Variants in CDH23 observed in about 807,000 individuals in gnomAD.
CDH23 encodes the protein cadherin-23.
Under a neutral mutation model 317.1 loss-of-function variants are expected in CDH23, and 189 were observed. The ratio of observed to expected loss-of-function variants is 0.60; its 90% CI spans 0.53 to 0.67. The LOEUF (loss-of-function observed/expected upper bound fraction) is 0.67. Ranked by LOEUF, CDH23 falls within the 30% of genes least tolerant of loss-of-function variation. The pLI is 0.00. For synonymous variants in CDH23, 1,839 were observed against 1,876.8 expected, an observed-to-expected ratio of 0.98 and a Z score of 0.52; for missense variants, 4,401 against 4,592.4, an observed-to-expected ratio of 0.96 and a Z score of 1.20.
chr10:71,686,419 C>T (rs927343093), intron 18 of CDH23, among the ~76,000 whole-genome samples: 4 of 152,010 alleles, frequency 2.6e-5, no homozygotes, highest in Non-Finnish European at 5.9e-5. Context: ...CCATCCAGAG[C>T]CAAGGGGCAG....
Position 71,751,582 on chromosome 10 carries a change from A to T in CDH23, c.4845+9661A>T. On this transcript the variant is annotated intron_variant, in intron 38 of 69. Transcript: ENST00000224721. The surrounding 1 kb of genome is among the most constrained non-coding windows in gnomAD (Gnocchi z 4.9). ...CGTGAGGCCGTGGAACTCTTCAGGG[A>T]GGGCAGGGAGTGAGGCCGATGCCCT... The T allele has an allele frequency of 7.0e-7, 1 of 1,435,956 alleles. No individual in the cohort carries two copies. Among genetic ancestry groups the T allele is most frequent in the South Asian group, 1.4e-5 (1 of 70,114 alleles). 89.0% of individuals were successfully genotyped at this position (1,435,956 alleles called of 1,614,324 possible).
chr10:71,455,248 T>C (rs1372639963), intron 3 of CDH23, among the ~76,000 whole-genome samples: 1 of 152,196 alleles, frequency 6.6e-6, no homozygotes, highest in Non-Finnish European at 1.5e-5. Flanking sequence ...CCCCATAATG[T>C]TCACATCTTG....
intron 6 of CDH23, among the ~76,000 whole-genome samples, chr10:71,536,940 G>T (rs1443532795): frequency 6.6e-6 from 1 of 152,174 alleles, no homozygotes; most frequent in Non-Finnish European, 1.5e-5. Context: ...CTTGAGGACA[G>T]TCTGGCCTAT....
chr10:71,416,006 TATGTAC>T (rs1330264911), intron 1 of CDH23, among the ~76,000 whole-genome samples: 2 of 152,358 alleles, frequency 1.3e-5, no homozygotes, highest in South Asian at 2.1e-4. Context: ...TGAGGTTAAA[TATGTAC>T]ATCTTATCAT....
chr10:71,462,584 G>A (rs1199900135), intron 3 of CDH23, among the ~76,000 whole-genome samples: 1 of 152,254 alleles, frequency 6.6e-6, no homozygotes, highest in Non-Finnish European at 1.5e-5. Context: ...CCTAACGCAT[G>A]CAGAGACCTG....
At chr10:71,742,053 C>A (rs1246431876) in intron 38 of CDH23, 132 bp downstream of exon 38, 3 of 777,418 alleles carry the variant, frequency 3.9e-6, no homozygotes, top group Non-Finnish European at 6.1e-6. Context: ...TTTAGTCCAT[C>A]TGCCTTTAGT....
Position 71,738,559 on chromosome 10 carries a change from C to T in CDH23, c.4271C>T (p.Ser1424Leu), listed in dbSNP as rs879399870. 10 of 1,613,862 alleles carry T rather than the reference C, an allele frequency of 6.2e-6. No individual in the cohort carries two copies. The highest frequency in any genetic ancestry group is 1.7e-5 in the Admixed American group (1 of 60,014). Residue 1424 changes from serine (S) to leucine (L), a missense_variant, in exon 35 of 70, where the codon TCG (serine) becomes TTG (leucine). Physicochemically the swap from Ser to Leu is moderately radical, Grantham distance 145. Around this residue, in one of 3 missense-constraint regions of CDH23, gnomAD observed 3,068 missense variants for 3,203.3 expected, o/e 0.96. Coordinates refer to ENST00000224721, the MANE Select transcript of CDH23 (RefSeq NM_022124.6). ...CCCCGGTTTGACTTCACCTCCGACT[C>T]GGCGGTCAGCATACCCGAGGACTGC... Reference protein sequence around the residue: ...NSPRFDFTSDSAVSIPEDCPV... With the variant: ...NSPRFDFTSDLAVSIPEDCPV...
At chr10:71,484,408 C>G (rs1488239296) in intron 3 of CDH23, among the ~76,000 whole-genome samples, 1 of 152,186 alleles carries the variant, frequency 6.6e-6, no homozygotes, top group Non-Finnish European at 1.5e-5. Context: ...AGGTGTTCCT[C>G]CAACCCAGAG....
At chr10:71,581,028 T>C (rs1858592873) in intron 9 of CDH23, among the ~76,000 whole-genome samples, 1 of 152,336 alleles carries the variant, frequency 6.6e-6, no homozygotes, top group South Asian at 2.1e-4. Flanking sequence ...TAGACGTGGC[T>C]GAAAAGAACA....
intron 9 of CDH23, among the ~76,000 whole-genome samples, chr10:71,609,951 C>CGTGTGT (rs34311857): frequency 0.031 from 4,403 of 142,788 alleles, 68 homozygotes; most frequent in Non-Finnish European, 0.035. Context: ...AGGACTCCCC[C>CGTGTGT]GTGTGTGTGT....
intron 19 of CDH23, among the ~76,000 whole-genome samples, chr10:71,688,399 G>A (rs567793661): frequency 6.6e-6 from 1 of 152,258 alleles, no homozygotes; most frequent in Non-Finnish European, 1.5e-5. Context: ...ATGGATAGTG[G>A]AGTCAGGGAC....
chr10:71,486,568 C>T (rs1259039570), intron 3 of CDH23, among the ~76,000 whole-genome samples: 3 of 152,030 alleles, frequency 2.0e-5, no homozygotes, highest in Non-Finnish European at 4.4e-5. Context: ...AGGGTTTCCC[C>T]AAATATCATC....
chr10:71,493,639 T>C (rs1234860793), intron 3 of CDH23, among the ~76,000 whole-genome samples: 1 of 152,220 alleles, frequency 6.6e-6, no homozygotes, highest in Non-Finnish European at 1.5e-5. Flanking sequence ...CTTTACCACC[T>C]TGTGGAGCTT....
At chr10:71,613,174 A>C (rs1162927024) in intron 9 of CDH23, among the ~76,000 whole-genome samples, 1 of 152,212 alleles carries the variant, frequency 6.6e-6, no homozygotes. Context: ...GAAGCACAAT[A>C]ACTGTTTGTT....
intron 12 of CDH23, among the ~76,000 whole-genome samples, 188 bp downstream of exon 12, chr10:71,644,054 C>T (rs1862707010): frequency 6.6e-6 from 1 of 152,266 alleles, no homozygotes; most frequent in Admixed American, 6.5e-5. Flanking sequence ...AACTGTCACA[C>T]CCCACTGGCT....
At chr10:71,810,688 G>A in intron 62 of CDH23, 119 bp downstream of exon 62, 1 of 897,616 alleles carries the variant, frequency 1.1e-6, no homozygotes, top group East Asian at 2.6e-5. Context: ...CCACTGTGTG[G>A]GGCCATCTCC....
intron 3 of CDH23, among the ~76,000 whole-genome samples, chr10:71,505,651 T>G (rs1229824044): frequency 6.6e-6 from 1 of 152,078 alleles, no homozygotes; most frequent in Non-Finnish European, 1.5e-5. Flanking sequence ...GAGGGCAGGG[T>G]ACCAATAGCG....
In CDH23 at chr10:71,705,101, A is replaced by G. The variant is rs766346313; in HGVS notation, c.2924A>G (p.Lys975Arg). 3 of 1,611,630 alleles carry G rather than the reference A, an allele frequency of 1.9e-6. No homozygotes were observed. Among genetic ancestry groups the G allele is most frequent in the South Asian group, 2.2e-5 (2 of 91,010 alleles). ...VVASDAGTPTKSSTSTLTIHV... is the reference protein window; with the variant it reads ...VVASDAGTPTRSSTSTLTIHV... ...GCCAGTGATGCAGGCACGCCCACCA[A>G]GAGCTCCACCAGCACGCTCACCATC... The change falls in exon 25 of 70, where the codon AAG becomes AGG. Residue 975 changes from lysine (K) to arginine (R), a missense_variant. By Grantham distance (26) the Lys-to-Arg change is conservative. Coordinates refer to ENST00000224721, the MANE Select transcript of CDH23 (RefSeq NM_022124.6).
rs183097386 is a variant in CDH23 at position 71,483,082 on chromosome 10, G to A, written c.146-27000G>A. Among the ~76,000 whole-genome samples, 248 of 152,336 alleles carry A rather than the reference G, an allele frequency of 1.6e-3. 2 individuals carry two copies. Among genetic ancestry groups the A allele is most frequent in the Middle Eastern group, 0.014 (4 of 294 alleles). On this transcript the variant is annotated intron_variant, in intron 3 of 69. Transcript: ENST00000224721. The stretch of plus-strand genomic sequence containing the variant: ...TCAGTGGCCCGTCCTGGCGGATGGA[G>A]GCAGGGGTCTAACATTAAATCACAA...
Sources: allele counts gnomAD v4.1 joint callset (sites outside exome capture counted in the v4.1 genomes callset), GRCh38; gene constraint gnomAD v4.1.1; regional missense constraint gnomAD v4.1.1; non-coding constraint Gnocchi (gnomAD v3.1); transcripts MANE v1.5; gene names NCBI Gene and HGNC (gene_info 2026-07-23, HGNC 2026-07-21).